TFR2: variants seen among roughly 807,000 people sequenced by gnomAD.
TFR2 encodes transferrin receptor protein 2.
In TFR2, 64 loss-of-function variants were observed where a neutral mutation model predicts 91.9. That is an observed-to-expected ratio of 0.70 (90% CI 0.57 to 0.86). The LOEUF (loss-of-function observed/expected upper bound fraction) is 0.86. Ranked by LOEUF, TFR2 falls within the 40% of genes least tolerant of loss-of-function variation. The pLI, the probability that TFR2 is intolerant of heterozygous loss-of-function variation, is 0.00. For missense variants in TFR2, 950 were observed against 1,080.5 expected (o/e 0.88, Z 1.69); for synonymous variants, 454 against 459.6 (o/e 0.99, Z 0.15).
At chr7:100,625,059 CTTTTTTT>C (rs34968337) in intron 17 of TFR2, among the ~76,000 whole-genome samples, 6 of 105,278 alleles carry the variant, frequency 5.7e-5, no homozygotes, top group South Asian at 3.0e-4. Context: ...TTTTCTTTTT[CTTTTTTT>C]TTTTTTTTTT....
At chr7:100,627,177 G>T in intron 16 of TFR2, 87 bp downstream of exon 16, 1 of 1,432,398 alleles carries the variant, frequency 7.0e-7, no homozygotes, top group Non-Finnish European at 9.5e-7. Context: ...CTAGACCCCA[G>T]GGAATGCAGA....
chr7:100,635,703 A>T (rs1241706350), intron 3 of TFR2, among the ~76,000 whole-genome samples: 1 of 151,964 alleles, frequency 6.6e-6, no homozygotes, highest in East Asian at 1.9e-4. Flanking sequence ...TCCTCAGGAG[A>T]TCCACCTGCC....
rs150883560 is a variant in TFR2, at chr7:100,630,917, G to A, written c.1242C>T (p.Phe414=). Residue 414 remains phenylalanine, a synonymous_variant, in exon 9 of 18, where the codon TTC becomes TTT. Coordinates refer to ENST00000223051, the MANE Select transcript of TFR2 (RefSeq NM_003227.4). ...HRTSTPINNI[F]GCIEGRSEPD... ...GCTCTGAGCGGCCTTCGATGCAGCC[G>A]AAGATGTTGTTGATGGGGGTGGAGG... 73 of 1,613,050 alleles carry A rather than the reference G, an allele frequency of 4.5e-5. 1 individual carries two copies. The African/African-American group carries it at 8.3e-4, about 18-fold the overall frequency.
chr7:100,624,814 G>A (rs1295213715), intron 17 of TFR2, among the ~76,000 whole-genome samples: 6 of 151,660 alleles, frequency 4.0e-5, no homozygotes, highest in African/African-American at 9.7e-5. Flanking sequence ...GGAGGTTGCC[G>A]TGAGCCCAGA....
At position 100,640,891 on chromosome 7, in the gene TFR2, G is replaced by C. The variant is rs763837146; in HGVS notation, c.287-19C>G. On this transcript the variant is annotated intron_variant, in intron 2 of 17. Coordinates refer to ENST00000223051, the MANE Select transcript of TFR2 (RefSeq NM_003227.4). ...AGGAAGGCTGGCGGGTGGCAAGATGGGGATTCTCTTTATGCCCACCTCTGG... is the reference window on the plus strand; with the variant it reads ...AGGAAGGCTGGCGGGTGGCAAGATGCGGATTCTCTTTATGCCCACCTCTGG... 1.4e-5 allele frequency: 22 copies of C among 1,613,804 alleles called. 1 individual carries two copies. The South Asian group carries it at 2.1e-4, about 15-fold the overall frequency.
At chr7:100,632,301 C>G in intron 6 of TFR2, 103 bp from the exon 7 acceptor site, 1 of 1,085,742 alleles carries the variant, frequency 9.2e-7, no homozygotes, top group East Asian at 2.4e-5. Context: ...AACTGTCCAT[C>G]CCACGGAGAG....
intron 4 of TFR2, 31 bp downstream of exon 4, chr7:100,633,385 C>T (rs1254220058): frequency 1.4e-5 from 23 of 1,607,156 alleles, no homozygotes; most frequent in Non-Finnish European, 1.9e-5. Context: ...GTCCCCCTCC[C>T]CGCGCGCCCC....
At chr7:100,635,507 G>A (rs745956760) in intron 3 of TFR2, among the ~76,000 whole-genome samples, 2 of 150,946 alleles carry the variant, frequency 1.3e-5, no homozygotes, top group Non-Finnish European at 2.9e-5. Flanking sequence ...ATGCAATGGC[G>A]CAATCTTGGC....
chr7:100,627,451 G>C lies in TFR2; in HGVS notation c.1808C>G (p.Thr603Ser), dbSNP rs778131373. 2.9e-5 allele frequency: 46 copies of C among 1,600,778 alleles called. No homozygotes were observed. The highest frequency in any genetic ancestry group is 3.7e-5 in the Non-Finnish European group (44 of 1,173,982). The change falls in exon 16 of 18, where the codon ACT (threonine) becomes AGT (serine). Residue 603 changes from threonine (T) to serine (S), a missense_variant. Coordinates refer to ENST00000223051, the MANE Select transcript of TFR2 (RefSeq NM_003227.4). ...CAGCACCTTATGCAGGTTCTCATAAGTGTCCTCCTTTGTGTGCAGGAATGG... is the reference window on the plus strand; with the variant it reads ...CAGCACCTTATGCAGGTTCTCATAACTGTCCTCCTTTGTGTGCAGGAATGG... The part of the protein sequence containing the change: ...AYPFLHTKED[T>S]YENLHKVLQG...
At chr7:100,621,616 C>T (rs1803114206) in intron 17 of TFR2, among the ~76,000 whole-genome samples, 1 of 152,176 alleles carries the variant, frequency 6.6e-6, no homozygotes, top group African/African-American at 2.4e-5. Context: ...CCTTCCTCAC[C>T]CATTCAGTGA....
chr7:100,625,622 G>A (rs1171626187), intron 17 of TFR2, among the ~76,000 whole-genome samples: 13 of 152,148 alleles, frequency 8.5e-5, no homozygotes, highest in Admixed American at 7.2e-4. Context: ...AGTAGCTCAC[G>A]CCTGTAACCC....
Position 100,641,185 on chromosome 7 carries a change from A to C in TFR2, c.77T>G (p.Val26Gly). The C allele has an allele frequency of 6.6e-7, 1 of 1,524,136 alleles. No individual in the cohort carries two copies. The highest frequency in any genetic ancestry group is 8.8e-7 in the Non-Finnish European group (1 of 1,134,724). The allele number at this position is 1,524,136 out of a possible 1,614,324, so 94.4% of individuals were successfully genotyped here. ...PRSSQTVYQR[V>G]EGPRKGHLEE... ...CAGGTGCCCTTTCCGGGGGCCTTCC[A>C]CACGCTGGTAGACGGTCTGAGAGGA... The change falls in exon 2 of 18, where the codon GTG (valine) becomes GGG (glycine). Residue 26 changes from valine (V) to glycine (G), a missense_variant. By Grantham distance (109) the Val-to-Gly change is moderately radical. Coordinates refer to ENST00000223051, the MANE Select transcript of TFR2 (RefSeq NM_003227.4).
rs545456696 is a variant in TFR2 at position 100,625,621 on chromosome 7, C to T, written c.2136+1142G>A. On this transcript the variant is annotated intron_variant, in intron 17 of 17. Transcript: ENST00000223051. ...GGAGAAGGCCAGGTTCAGTAGCTCA[C>T]GCCTGTAACCCCAGCAATTTGGGAG... Among the ~76,000 whole-genome samples the T allele has an allele frequency of 2.0e-5, 3 of 152,206 alleles. No homozygotes were observed. In the East Asian group the frequency reaches 5.8e-4, roughly 29 times the overall value.
Position 100,641,537 on chromosome 7 carries a change from G to C in TFR2, c.-28C>G, listed in dbSNP as rs778462607. Reference sequence around the variant, plus strand: ...TTGTGTCCCCTCCTGAAGCCTGCAGGCTGTCCCCCAGCGATAAACCGATAA... The same window carrying C: ...TTGTGTCCCCTCCTGAAGCCTGCAGCCTGTCCCCCAGCGATAAACCGATAA... On this transcript the variant is annotated 5_prime_UTR_variant, in exon 1 of 18. Coordinates refer to ENST00000223051, the MANE Select transcript of TFR2 (RefSeq NM_003227.4). The C allele has an allele frequency of 6.2e-7, 1 of 1,613,242 alleles. No homozygotes were observed. The highest frequency in any genetic ancestry group is 8.5e-7 in the Non-Finnish European group (1 of 1,179,618).
Position 100,641,188 on chromosome 7 carries a change from C to G in TFR2, c.74G>C (p.Arg25Pro), listed in dbSNP as rs778784503. The G allele has an allele frequency of 4.6e-6, 7 of 1,522,276 alleles. No homozygotes were observed. The highest frequency in any genetic ancestry group is 6.2e-6 in the Non-Finnish European group (7 of 1,133,800). 94.3% of individuals were successfully genotyped at this position (1,522,276 alleles called of 1,614,324 possible). Residue 25 changes from arginine to proline, a missense_variant, in exon 2 of 18, where the codon CGT becomes CCT. Coordinates refer to ENST00000223051, the MANE Select transcript of TFR2 (RefSeq NM_003227.4). ...SPRSSQTVYQ[R>P]VEGPRKGHLE... ...GTGCCCTTTCCGGGGGCCTTCCACA[C>G]GCTGGTAGACGGTCTGAGAGGATCT...
At chr7:100,630,026 G>C (rs547776427) in intron 9 of TFR2, among the ~76,000 whole-genome samples, 10 of 152,302 alleles carry the variant, frequency 6.6e-5, no homozygotes, top group African/African-American at 2.4e-4. Flanking sequence ...TTACAGGCGT[G>C]AGCCACCGCA....
rs1320384421 is a variant in TFR2 at position 100,627,312 on chromosome 7, G to A, written c.1947C>T (p.Val649=). 1 of 1,549,834 alleles carries A rather than the reference G, an allele frequency of 6.5e-7. No homozygotes were observed. Among genetic ancestry groups the A allele is most frequent in the Admixed American group, 2.0e-5 (1 of 51,002 alleles). The change falls in exon 16 of 18, where the codon GTC becomes GTT. Residue 649 remains valine, a synonymous_variant. Transcript: ENST00000223051. ...TGAGGTTCCCGATGTGCCTGAGGAC[G>A]ACGTCCCCGTAGCGGCCGAAGTCGA... ...LPLDFGRYGD[V]VLRHIGNLNE... is the part of the protein sequence containing the mutation.
chr7:100,640,490 C>T (rs2131327195), intron 3 of TFR2, 196 bp downstream of exon 3: 1 of 637,342 alleles, frequency 1.6e-6, no homozygotes, highest in East Asian at 2.8e-5. Flanking sequence ...CTCAGAGCCT[C>T]AGTCCCCTGG....
chr7:100,638,193 C>T (rs1452180025), intron 3 of TFR2, among the ~76,000 whole-genome samples: 2 of 151,908 alleles, frequency 1.3e-5, no homozygotes, highest in African/African-American at 2.4e-5. Flanking sequence ...TTAGTAGAAA[C>T]GGGGTTTCAC....
Sources: allele counts gnomAD v4.1 joint callset (sites outside exome capture counted in the v4.1 genomes callset), GRCh38; gene constraint gnomAD v4.1.1; transcripts MANE v1.5; gene names NCBI Gene and HGNC (gene_info 2026-07-23, HGNC 2026-07-21).